CNTNAP5: variants seen among roughly 807,000 people sequenced by gnomAD.
CNTNAP5 encodes the protein contactin-associated protein-like 5.
A neutral mutation model predicts 150.2 loss-of-function variants in CNTNAP5; 72 were observed. The observed-to-expected ratio is 0.48, with a 90% CI of 0.40 to 0.58. CNTNAP5 has a LOEUF of 0.58. Ranked by LOEUF, CNTNAP5 falls within the 20% of genes least tolerant of loss-of-function variation. The pLI, the probability that CNTNAP5 is intolerant of heterozygous loss-of-function variation, is 0.00. For missense variants in CNTNAP5, 1,636 were observed against 1,626.2 expected, an observed-to-expected ratio of 1.01 and a Z score of -0.10; for synonymous variants, 672 against 619.8, an observed-to-expected ratio of 1.08 and a Z score of -1.25.
At chr2:124,423,507 A>ACTTTATT (rs1185530004) in intron 4 of CNTNAP5, among the ~76,000 whole-genome samples, 2 of 151,554 alleles carry the variant, frequency 1.3e-5, no homozygotes, top group Non-Finnish European at 2.9e-5. Context: ...AAGCTAATTA[A>ACTTTATT]CTTTATTTAT....
intron 4 of CNTNAP5, among the ~76,000 whole-genome samples, chr2:124,428,078 C>T (rs1187072939): frequency 6.6e-6 from 1 of 152,184 alleles, no homozygotes; most frequent in Non-Finnish European, 1.5e-5. Flanking sequence ...TAGATGGGAC[C>T]CTGCACTTTG....
intron 3 of CNTNAP5, among the ~76,000 whole-genome samples, chr2:124,307,458 C>A (rs1688721821): frequency 6.6e-6 from 1 of 152,192 alleles, no homozygotes; most frequent in Admixed American, 6.5e-5. Flanking sequence ...TCACTGAAAT[C>A]ACCTACATTT....
intron 3 of CNTNAP5, among the ~76,000 whole-genome samples, chr2:124,293,103 A>G (rs1246737622): frequency 5.3e-5 from 8 of 152,092 alleles, no homozygotes; most frequent in African/African-American, 1.9e-4. Context: ...TCCCACCAAT[A>G]TAATAAAGTC....
At chr2:124,412,861 A>G (rs1691808971) in intron 3 of CNTNAP5, among the ~76,000 whole-genome samples, 1 of 102,916 alleles carries the variant, frequency 9.7e-6, no homozygotes, top group Non-Finnish European at 1.9e-5. Context: ...AATGGCAACA[A>G]AAGCCAAAAT....
chr2:124,742,261 C>G (rs1194497602), intron 13 of CNTNAP5, among the ~76,000 whole-genome samples: 1 of 152,104 alleles, frequency 6.6e-6, no homozygotes, highest in South Asian at 2.1e-4. Context: ...ATTTGTTTGT[C>G]AAATACTCTG....
rs759275401 is a variant in CNTNAP5, at chr2:124,789,912, A to T, written c.2763A>T (p.Ser921=). 2 of 1,613,324 alleles carry T rather than the reference A, an allele frequency of 1.2e-6. No individual in the cohort carries two copies. The change falls in exon 18 of 24, where the codon TCA becomes TCT. Residue 921 remains serine (S), a synonymous_variant. Transcript: ENST00000682447. ...TATTTAACCTCTTAGGGGGAACGTC[A>T]TCCAGACAGAAAGGCTTCCTAGGAT... ...LNSQLFVGGT[S]SRQKGFLGCI...
At chr2:124,770,390 C>T (rs752195764) in intron 16 of CNTNAP5, among the ~76,000 whole-genome samples, 1 of 152,032 alleles carries the variant, frequency 6.6e-6, no homozygotes, top group Non-Finnish European at 1.5e-5. Flanking sequence ...CAAGGCTAGT[C>T]ACAGCCAGCG....
chr2:124,512,077 T>G (rs1189909671), intron 8 of CNTNAP5, among the ~76,000 whole-genome samples: 2 of 151,962 alleles, frequency 1.3e-5, no homozygotes, highest in Non-Finnish European at 2.9e-5. Flanking sequence ...AGCTATTTCC[T>G]GCAGAGAGAA....
chr2:124,847,010 G>A (rs1426359668), intron 19 of CNTNAP5, among the ~76,000 whole-genome samples: 2 of 152,210 alleles, frequency 1.3e-5, no homozygotes, highest in African/African-American at 4.8e-5. Context: ...AGGGTCTTTG[G>A]TTGTGTTTTT....
chr2:124,611,351 C>T (rs1314615230), intron 12 of CNTNAP5, among the ~76,000 whole-genome samples: 1 of 152,238 alleles, frequency 6.6e-6, no homozygotes. Context: ...CATCTGGATA[C>T]AAAGTCCTAT....
intron 13 of CNTNAP5, among the ~76,000 whole-genome samples, chr2:124,720,517 G>A (rs896703317): frequency 1.3e-5 from 2 of 151,862 alleles, no homozygotes; most frequent in African/African-American, 4.8e-5. Context: ...AACCTTCTTT[G>A]CATCCCAAGA....
chr2:124,204,379 A>G (rs1406399196), intron 1 of CNTNAP5, among the ~76,000 whole-genome samples: 2 of 152,176 alleles, frequency 1.3e-5, no homozygotes, highest in South Asian at 2.1e-4. Context: ...AGGAAGTTCC[A>G]AACTTTCCCA....
chr2:124,839,391 C>T (rs909028209), intron 19 of CNTNAP5, among the ~76,000 whole-genome samples: 1 of 151,960 alleles, frequency 6.6e-6, no homozygotes, highest in African/African-American at 2.4e-5. Flanking sequence ...TCAATGCACA[C>T]AATCTGCCAC....
intron 1 of CNTNAP5, among the ~76,000 whole-genome samples, chr2:124,215,012 A>G (rs1364446577): frequency 2.4e-4 from 36 of 152,152 alleles, no homozygotes; most frequent in Admixed American, 2.4e-3. Flanking sequence ...TTCAAGAGTA[A>G]TATTATAGTA....
Position 124,131,756 on chromosome 2 carries a change from G to C in CNTNAP5, c.83-89949G>C, listed in dbSNP as rs536503577. 8.5e-5 allele frequency among the ~76,000 whole-genome samples: 13 copies of C among 152,220 alleles called. No homozygotes were observed. In the East Asian group the frequency reaches 1.2e-3, roughly 14 times the overall value. Reference sequence around the variant, plus strand: ...TTTTATAGGAAAAAAAGCCCCACAGGCATGTTATAAGCATTCTTCTATTTG... The same window carrying C: ...TTTTATAGGAAAAAAAGCCCCACAGCCATGTTATAAGCATTCTTCTATTTG... On this transcript the variant is annotated intron_variant, in intron 1 of 23. Coordinates refer to ENST00000682447, the MANE Select transcript of CNTNAP5 (RefSeq NM_001367498.1).
At chr2:124,143,018 C>T (rs1362746069) in intron 1 of CNTNAP5, among the ~76,000 whole-genome samples, 20 of 61,320 alleles carry the variant, frequency 3.3e-4, no homozygotes, top group East Asian at 1.1e-3. Context: ...AACACCTCTA[C>T]GCAAATAAAC....
intron 8 of CNTNAP5, among the ~76,000 whole-genome samples, chr2:124,521,215 G>A (rs1694839688): frequency 6.6e-6 from 1 of 152,140 alleles, no homozygotes; most frequent in Non-Finnish European, 1.5e-5. Flanking sequence ...TTAACCTGGA[G>A]TGAGCCCCAG....
chr2:124,500,333 G>C (rs1348946817), intron 7 of CNTNAP5, among the ~76,000 whole-genome samples: 1 of 152,092 alleles, frequency 6.6e-6, no homozygotes, highest in Non-Finnish European at 1.5e-5. Context: ...AGATAACGGG[G>C]GCTACTAAAT....
chr2:124,239,006 T>C (rs1392361093), intron 2 of CNTNAP5, among the ~76,000 whole-genome samples: 1 of 152,194 alleles, frequency 6.6e-6, no homozygotes, highest in Non-Finnish European at 1.5e-5. Flanking sequence ...TTAAAAGCTT[T>C]GGCTGAAACT....
Sources: allele counts gnomAD v4.1 joint callset (sites outside exome capture counted in the v4.1 genomes callset), GRCh38; gene constraint gnomAD v4.1.1; transcripts MANE v1.5; gene names NCBI Gene and HGNC (gene_info 2026-07-23, HGNC 2026-07-21).